The following WFDC6 variants were observed in gnomAD, a reference collection of about 807,000 sequenced individuals.
WFDC6 encodes WAP four-disulfide core domain 6, also known as WAP four-disulfide core domain protein 6.
WFDC6 carries 10 observed loss-of-function variants against 8.2 expected under a neutral mutation model. That is an observed-to-expected ratio of 1.22 (90% confidence interval 0.75 to 2.07). The LOEUF is 2.07. Among genes scored for constraint, WFDC6 ranks in the 30% most tolerant of loss-of-function variants. The pLI is 0.00. For missense variants in WFDC6, 105 were observed against 104.9 expected, an observed-to-expected ratio of 1.00 and a Z score of 0.00; for synonymous variants, 28 against 37.0, an observed-to-expected ratio of 0.76 and a Z score of 0.88.
Position 45,539,449 on chromosome 20 carries a change from A to G in WFDC6, c.-42T>C, listed in dbSNP as rs1173178983. 5 of 1,578,622 alleles carry G rather than the reference A, an allele frequency of 3.2e-6. No homozygotes were observed. Among genetic ancestry groups the G allele is most frequent in the Non-Finnish European group, 3.5e-6 (4 of 1,148,448 alleles). ...CTGGTTGATGGCACCAAAACTAAGA[A>G]CTGCTCCTCAGCAGCTCCTACATCT... On this transcript the variant is annotated 5_prime_UTR_variant, in exon 1 of 3. Coordinates refer to ENST00000372670, the MANE Select transcript of WFDC6 (RefSeq NM_080827.2).
chr20:45,537,695 G>T, intron 2 of WFDC6: 2 of 1,132,908 alleles, frequency 1.8e-6, no homozygotes, highest in African/African-American at 1.5e-5. Flanking sequence ...AGACCATGTG[G>T]TCCATTATCC....
Position 45,538,287 on chromosome 20 carries a change from C to T in WFDC6, c.92-193G>A, listed in dbSNP as rs6065832. Among the ~76,000 whole-genome samples the T allele has an allele frequency of 4.6e-5, 7 of 152,292 alleles. No individual in the cohort carries two copies. The East Asian group carries it at 7.7e-4, about 17-fold the overall frequency. On this transcript the variant is annotated intron_variant, in intron 1 of 2. Transcript: ENST00000372670. ...CCCCAACCCCATAACAACTCACCAT[C>T]GGATGCCTAAACCAACCCCTACCCC...
Position 45,534,284 on chromosome 20 carries a change from A to C in WFDC6, c.*183T>G. ...GAAAGTTGAAGACATAGAGTTTCAT[A>C]CTGAGAAGTGGTCAAGGGGAAGAGC... On this transcript the variant is annotated 3_prime_UTR_variant, in exon 3 of 3. Coordinates refer to ENST00000372670, the MANE Select transcript of WFDC6 (RefSeq NM_080827.2). 5.6e-6 allele frequency: 4 copies of C among 709,136 alleles called. No individual in the cohort carries two copies. 43.9% of individuals were successfully genotyped at this position (709,136 alleles called of 1,614,324 possible).
At chr20:45,535,391 C>G in intron 2 of WFDC6, 1 of 1,229,354 alleles carries the variant, frequency 8.1e-7, no homozygotes, top group Non-Finnish European at 1.0e-6. Context: ...ATGTCCATCT[C>G]TCCCCTTCTC....
Position 45,537,362 on chromosome 20 carries a change from G to A in WFDC6, c.222+602C>T. On this transcript the variant is annotated intron_variant, in intron 2 of 2. Coordinates refer to ENST00000372670, the MANE Select transcript of WFDC6 (RefSeq NM_080827.2). ...CCAGAAAAACTTTTCTGACCTTCCT[G>A]GCCACAATGAGCAAGTGGAACCCAT... 3 of 706,402 alleles carry A rather than the reference G, an allele frequency of 4.2e-6. No individual in the cohort carries two copies. In the African/African-American group the frequency reaches 5.4e-5, roughly 13 times the overall value. The allele number at this position is 706,402 out of a possible 1,614,324, so 43.8% of individuals were successfully genotyped here. A position where few individuals can be genotyped will look rare whatever the true frequency, so the allele number is the denominator to read the frequency against.
intron 1 of WFDC6, among the ~76,000 whole-genome samples, 172 bp downstream of exon 1, chr20:45,539,145 A>G (rs896048949): frequency 1.3e-5 from 2 of 152,146 alleles, no homozygotes; most frequent in Non-Finnish European, 2.9e-5. Context: ...GGATGCCTGT[A>G]TTCACCAAGG....
chr20:45,536,063 T>C (rs1171853124), intron 2 of WFDC6, among the ~76,000 whole-genome samples: 1 of 152,236 alleles, frequency 6.6e-6, no homozygotes, highest in Non-Finnish European at 1.5e-5. Flanking sequence ...CTTTACTCTT[T>C]GCTTTTCTTC....
intron 2 of WFDC6, chr20:45,536,648 C>T (rs1238275900): frequency 6.6e-6 from 1 of 152,194 alleles, no homozygotes; most frequent in Non-Finnish European, 1.5e-5. Flanking sequence ...CCCAACTAGC[C>T]CAGCTTCATC....
chr20:45,534,573 C>T (rs1979294346), intron 2 of WFDC6, 68 bp from the exon 3 acceptor site: 9 of 1,568,028 alleles, frequency 5.7e-6, no homozygotes. Flanking sequence ...AATCTTGCAC[C>T]TAATGGGAAA....
chr20:45,537,898 G>C, intron 2 of WFDC6, 66 bp downstream of exon 2: 2 of 1,610,154 alleles, frequency 1.2e-6, no homozygotes, highest in Non-Finnish European at 1.7e-6. Context: ...AGGAGACAGA[G>C]GTAGTGCAGT....
At chr20:45,535,413 C>T in intron 2 of WFDC6, 1 of 1,202,038 alleles carries the variant, frequency 8.3e-7, no homozygotes. Flanking sequence ...GGCCACCATT[C>T]CCTTTGTCTC....
At position 45,534,322 on chromosome 20, in the gene WFDC6, G is replaced by C; in HGVS notation, c.*145C>G. ...CAAGGGGAAGAGCATTGTGTTTGAA[G>C]AGATGCTACGCTGGAAGAAAGTGTG... is the stretch of plus-strand genomic sequence containing the variant. On this transcript the variant is annotated 3_prime_UTR_variant, in exon 3 of 3. Coordinates refer to ENST00000372670, the MANE Select transcript of WFDC6 (RefSeq NM_080827.2). 1 of 928,988 alleles carries C rather than the reference G, an allele frequency of 1.1e-6. No individual in the cohort carries two copies. Among genetic ancestry groups the C allele is most frequent in the East Asian group, 2.4e-5 (1 of 41,446 alleles). 57.5% of individuals were successfully genotyped at this position (928,988 alleles called of 1,614,324 possible).
At chr20:45,537,639 T>A (rs1467710578) in intron 2 of WFDC6, 7 of 1,368,214 alleles carry the variant, frequency 5.1e-6, no homozygotes, top group Non-Finnish European at 7.1e-6. Flanking sequence ...TTGATGAGAC[T>A]TTGGTGACTA....
chr20:45,537,391 G>T, intron 2 of WFDC6: 1 of 873,438 alleles, frequency 1.1e-6, no homozygotes, highest in Non-Finnish European at 1.8e-6. Context: ...AACCCATCAT[G>T]GGTGTCAGGG....
chr20:45,539,318 G>C lies in WFDC6; in HGVS notation c.90C>G (p.Gly30=). Residue 30 remains glycine, a splice_region_variant and synonymous_variant, in exon 1 of 3, where the codon GGC becomes GGG. Transcript: ENST00000372670. The part of the protein sequence containing the change: ...QEPGHAEGIL[G]KPCPKIKVEC... ...AAGGACGGAGTTCCCAATACTTACT[G>C]CCAAGGATGCCTTCAGCGTGCCCAG... 4 of 1,613,662 alleles carry C rather than the reference G, an allele frequency of 2.5e-6. No individual in the cohort carries two copies. Among genetic ancestry groups the C allele is most frequent in the Non-Finnish European group, 2.5e-6 (3 of 1,179,722 alleles).
chr20:45,535,063 T>C (rs1979312529), intron 2 of WFDC6: 1 of 1,194,440 alleles, frequency 8.4e-7, no homozygotes. Context: ...GGTTTTGTCA[T>C]CCCCAGCGCC....
intron 1 of WFDC6, among the ~76,000 whole-genome samples, chr20:45,539,049 C>T (rs1442772707): frequency 2.0e-5 from 3 of 152,072 alleles, no homozygotes; most frequent in African/African-American, 7.2e-5. Flanking sequence ...ACTACTCCTT[C>T]TTAGTTCATT....
Position 45,534,197 on chromosome 20 carries a change from C to T in WFDC6, c.*270G>A, listed in dbSNP as rs554955252. On this transcript the variant is annotated 3_prime_UTR_variant, in exon 3 of 3. Coordinates refer to ENST00000372670, the MANE Select transcript of WFDC6 (RefSeq NM_080827.2). ...GTGAATTATTCAGCCTCGGAGAGAT[C>T]GGACCCCACAGAGCACTTTATTAAG... The T allele has an allele frequency of 5.0e-5, 26 of 516,700 alleles. No homozygotes were observed. The highest frequency in any genetic ancestry group is 9.8e-5 in the South Asian group (4 of 40,816). The allele number at this position is 516,700 out of a possible 1,614,324, so 32.0% of individuals were successfully genotyped here.
chr20:45,538,111 T>C lies in WFDC6; in HGVS notation c.92-17A>G, dbSNP rs372926108. 58 of 1,613,576 alleles carry C rather than the reference T, an allele frequency of 3.6e-5. No individual in the cohort carries two copies. The highest frequency in any genetic ancestry group is 4.4e-5 in the Non-Finnish European group (52 of 1,179,774). ...GACACGGCTCTAAGGGAGGGGAAGA[T>C]ATATTCCCTCAAGGCCTTAAAGGAG... is the stretch of plus-strand genomic sequence containing the variant. On this transcript the variant is annotated splice_polypyrimidine_tract_variant and intron_variant, in intron 1 of 2. Transcript: ENST00000372670.
Sources: gnomAD v4.1 joint callset for allele counts (sites outside exome capture counted in the v4.1 genomes callset) on GRCh38, gnomAD v4.1.1 for gene constraint, MANE v1.5 for transcripts, NCBI Gene and HGNC (gene_info 2026-07-23, HGNC 2026-07-21) for gene names.